The following ERBIN variants were observed in gnomAD, a reference collection of about 807,000 sequenced individuals.
The protein encoded by ERBIN is erbb2 interacting protein.
A neutral mutation model predicts 158.4 loss-of-function variants in ERBIN; 60 were observed. The observed-to-expected ratio is 0.38, with a 90% CI of 0.31 to 0.47. The LOEUF is 0.47. Among genes scored for constraint, ERBIN ranks in the 20% least tolerant of loss-of-function variants. The pLI is 0.99. For synonymous variants in ERBIN, 594 were observed against 557.2 expected (o/e 1.07, Z -0.93); for missense variants, 1,610 against 1,648.0 (o/e 0.98, Z 0.40).
intron 14 of ERBIN, among the ~76,000 whole-genome samples, chr5:66,037,939 A>G (rs1409003284): frequency 2.0e-5 from 3 of 152,106 alleles, no homozygotes; most frequent in Non-Finnish European, 4.4e-5. Flanking sequence ...TTCAGCTGCT[A>G]ACTAGAATAA....
chr5:65,977,376 C>G (rs1214507739), intron 1 of ERBIN, among the ~76,000 whole-genome samples: 1 of 149,836 alleles, frequency 6.7e-6, no homozygotes, highest in Admixed American at 6.6e-5. Flanking sequence ...GGCTGCTGGG[C>G]GGAGGGGCTC....
At chr5:65,942,396 A>G (rs926818760) in intron 1 of ERBIN, among the ~76,000 whole-genome samples, 2 of 152,188 alleles carry the variant, frequency 1.3e-5, no homozygotes, top group Non-Finnish European at 2.9e-5. Flanking sequence ...GGTGTTAGAG[A>G]AAAAAAGAGT....
intron 4 of ERBIN, among the ~76,000 whole-genome samples, chr5:65,999,193 C>T (rs144141447): frequency 1.6e-4 from 24 of 150,912 alleles, no homozygotes; most frequent in African/African-American, 5.2e-4. Flanking sequence ...ATGTGGACCC[C>T]GTCTCTACTA....
Position 66,053,286 on chromosome 5 carries a change from T to C in ERBIN, c.2088-120T>C, listed in dbSNP as rs536544559. ...TACATGCTTGATAATAAATGCCTTT[T>C]GTCTTTGACTTTTATTAACTTTTTT... On this transcript the variant is annotated intron_variant, in intron 20 of 25. Transcript: ENST00000284037. 7.6e-6 allele frequency: 4 copies of C among 526,376 alleles called. No homozygotes were observed. The East Asian group carries it at 9.4e-5, about 12-fold the overall frequency. 32.6% of individuals were successfully genotyped at this position (526,376 alleles called of 1,614,324 possible). A position where few individuals can be genotyped will look rare whatever the true frequency, so the allele number is the denominator to read the frequency against.
intron 1 of ERBIN, among the ~76,000 whole-genome samples, chr5:65,954,353 A>G (rs887821521): frequency 6.6e-6 from 1 of 152,148 alleles, no homozygotes; most frequent in African/African-American, 2.4e-5. Flanking sequence ...TTTTTAGTCT[A>G]TGCATTGACT....
At chr5:65,973,072 A>G (rs371331369) in intron 1 of ERBIN, among the ~76,000 whole-genome samples, 1 of 150,936 alleles carries the variant, frequency 6.6e-6, no homozygotes, top group African/African-American at 2.5e-5. Flanking sequence ...ATGGAATACT[A>G]TGCAGCCATA....
chr5:65,935,881 C>T (rs548586273), intron 1 of ERBIN, among the ~76,000 whole-genome samples: 4 of 152,258 alleles, frequency 2.6e-5, no homozygotes, highest in South Asian at 2.1e-4. Context: ...TATGCCACCA[C>T]GCCCAGCTAA....
chr5:66,038,577 A>C, intron 15 of ERBIN, 95 bp downstream of exon 15: 1 of 867,892 alleles, frequency 1.2e-6, no homozygotes, highest in Admixed American at 2.7e-5. Context: ...TACCAGTTTG[A>C]TGGGACTTCA....
intron 1 of ERBIN, among the ~76,000 whole-genome samples, chr5:65,962,632 T>TC (rs1748049993): frequency 6.6e-6 from 1 of 152,164 alleles, no homozygotes; most frequent in Non-Finnish European, 1.5e-5. Flanking sequence ...TAAATTATTT[T>TC]CCCCCTCTTT....
At chr5:66,019,535 T>C (rs1437293720) in intron 7 of ERBIN, among the ~76,000 whole-genome samples, 1 of 152,186 alleles carries the variant, frequency 6.6e-6, no homozygotes, top group Non-Finnish European at 1.5e-5. Context: ...CTAGATCTTA[T>C]TCTAGGATGC....
rs767760184 is a variant in ERBIN at position 66,054,763 on chromosome 5, A to G, written c.3445A>G (p.Ile1149Val). 2.5e-6 allele frequency: 4 copies of G among 1,614,040 alleles called. No individual in the cohort carries two copies. The highest frequency in any genetic ancestry group is 1.3e-5 in the African/African-American group (1 of 74,932). The stretch of plus-strand genomic sequence containing the variant: ...AAGACCTCAGAGTGCTCGACCCTCT[A>G]TTAATGAAATACCAGAGAGAACTAT... ...ASRPQSARPS[I>V]NEIPERTMSV... Residue 1149 changes from isoleucine (I) to valine (V), a missense_variant, in exon 21 of 26, where the codon ATT (isoleucine) becomes GTT (valine). This residue lies in a region of ERBIN where 1,014 missense variants were observed against 936.1 expected (regional missense o/e 1.08). Coordinates refer to ENST00000284037, the MANE Select transcript of ERBIN (RefSeq NM_001253697.2).
chr5:65,952,220 C>T (rs1190396372), intron 1 of ERBIN, among the ~76,000 whole-genome samples: 1 of 151,984 alleles, frequency 6.6e-6, no homozygotes, highest in African/African-American at 2.4e-5. Context: ...CTTTCAGACC[C>T]GTTCACTGGT....
chr5:65,978,618 G>A (rs996781187), intron 1 of ERBIN, among the ~76,000 whole-genome samples: 4 of 152,182 alleles, frequency 2.6e-5, no homozygotes, highest in Non-Finnish European at 5.9e-5. Context: ...CAGTATAGGC[G>A]GATAATATGG....
At chr5:65,959,250 T>G (rs899886623) in intron 1 of ERBIN, among the ~76,000 whole-genome samples, 1 of 152,178 alleles carries the variant, frequency 6.6e-6, no homozygotes, top group African/African-American at 2.4e-5. Flanking sequence ...AAAATTCATC[T>G]AATGAGGTGA....
intron 1 of ERBIN, among the ~76,000 whole-genome samples, chr5:65,983,649 T>C (rs1045423379): frequency 6.6e-6 from 1 of 152,194 alleles, no homozygotes; most frequent in East Asian, 1.9e-4. Flanking sequence ...TGAGGAGGCT[T>C]TGTTTTACAT....
At chr5:65,976,160 A>G (rs898882413) in intron 1 of ERBIN, among the ~76,000 whole-genome samples, 5 of 152,154 alleles carry the variant, frequency 3.3e-5, no homozygotes, top group African/African-American at 1.2e-4. Flanking sequence ...CTTATGGGGA[A>G]GAGTTTAGAA....
At chr5:66,053,326 C>T (rs1759229064) in intron 20 of ERBIN, 80 bp from the exon 21 acceptor site, 8 of 832,178 alleles carry the variant, frequency 9.6e-6, no homozygotes. Flanking sequence ...TGTCTACCTA[C>T]ACAATTTATT....
intron 1 of ERBIN, among the ~76,000 whole-genome samples, chr5:65,971,790 C>T (rs929055966): frequency 1.3e-5 from 2 of 152,164 alleles, no homozygotes; most frequent in African/African-American, 4.8e-5. Flanking sequence ...CTTTCAGTCC[C>T]ACTTACATAT....
At chr5:66,050,741 C>T (rs2151227128) in intron 19 of ERBIN, 42 bp from the exon 20 acceptor site, 1 of 1,311,396 alleles carries the variant, frequency 7.6e-7, no homozygotes, top group South Asian at 1.6e-5. Context: ...TCACACAATT[C>T]TTGGGGAATT....
Sources: gnomAD v4.1 joint callset for allele counts (sites outside exome capture counted in the v4.1 genomes callset) on GRCh38, gnomAD v4.1.1 for gene constraint, gnomAD v4.1.1 regional missense constraint, MANE v1.5 for transcripts, NCBI Gene and HGNC (gene_info 2026-07-23, HGNC 2026-07-21) for gene names.